The following CCDC150 variants were observed in gnomAD, a reference collection of about 807,000 sequenced individuals.
CCDC150 encodes coiled-coil domain containing 150.
CCDC150 carries 151 observed loss-of-function variants against 156.5 expected under a neutral mutation model. The observed-to-expected ratio is 0.97, with a 90% CI of 0.85 to 1.10. The LOEUF (loss-of-function observed/expected upper bound fraction) is 1.10. Among genes scored for constraint, CCDC150 ranks in the 50% least tolerant of loss-of-function variants. The probability of loss-of-function intolerance (pLI) is 0.00; values close to 1 mark genes in which losing one functional copy is unlikely to be tolerated. For missense variants in CCDC150, 1,312 were observed against 1,268.1 expected (o/e 1.03, Z -0.53); for synonymous variants, 452 against 429.4 (o/e 1.05, Z -0.65).
chr2:196,707,424 A>C (rs185192387), intron 15 of CCDC150, among the ~76,000 whole-genome samples: 2 of 151,832 alleles, frequency 1.3e-5, no homozygotes, highest in African/African-American at 4.8e-5. Flanking sequence ...TCTTGCTAGC[A>C]GTCTATCAAT....
intron 5 of CCDC150, among the ~76,000 whole-genome samples, chr2:196,661,643 A>G (rs753809855): frequency 6.6e-6 from 1 of 152,168 alleles, no homozygotes; most frequent in Admixed American, 6.5e-5. Context: ...TACAGATAGG[A>G]GAAGTGTGGT....
At chr2:196,716,284 A>G (rs977522451) in intron 17 of CCDC150, among the ~76,000 whole-genome samples, 3 of 152,230 alleles carry the variant, frequency 2.0e-5, no homozygotes, top group Non-Finnish European at 4.4e-5. Flanking sequence ...AAATGAAAGT[A>G]TGTCTCCACA....
chr2:196,652,756 C>T (rs1166288831), intron 2 of CCDC150, among the ~76,000 whole-genome samples: 1 of 152,250 alleles, frequency 6.6e-6, no homozygotes, highest in East Asian at 1.9e-4. Flanking sequence ...AAGCCTGTTG[C>T]AGGAGGAGAG....
intron 1 of CCDC150, among the ~76,000 whole-genome samples, chr2:196,641,229 G>T (rs1692211890): frequency 6.6e-6 from 1 of 152,080 alleles, no homozygotes; most frequent in Non-Finnish European, 1.5e-5. Flanking sequence ...TGCCCGCCTC[G>T]GCCTTCCAAA....
Position 196,703,672 on chromosome 2 carries a change from T to C in CCDC150, c.1695+2492T>C, listed in dbSNP as rs183588989. 6.5e-4 allele frequency among the ~76,000 whole-genome samples: 99 copies of C among 152,290 alleles called. No homozygotes were observed. In the Middle Eastern group the frequency reaches 0.01, roughly 16 times the overall value. On this transcript the variant is annotated intron_variant, in intron 15 of 27. Transcript: ENST00000389175. ...TTTAGTTTTTCCAAGAAAAATGAAA[T>C]ATATTATGAAATATATAAGACAAAT...
intron 13 of CCDC150, among the ~76,000 whole-genome samples, chr2:196,689,352 T>G (rs1352135848): frequency 6.6e-6 from 1 of 152,002 alleles, no homozygotes; most frequent in African/African-American, 2.4e-5. Context: ...GCCATTTTCA[T>G]GATATTGATT....
Position 196,677,380 on chromosome 2 carries a change from A to C in CCDC150, c.1509+19A>C, listed in dbSNP as rs180817909. 311 of 1,448,808 alleles carry C rather than the reference A, an allele frequency of 2.1e-4. 1 individual carries two copies. The African/African-American group carries it at 3.8e-3, about 18-fold the overall frequency. The allele number at this position is 1,448,808 out of a possible 1,614,324, so 89.7% of individuals were successfully genotyped here. A position where few individuals can be genotyped will look rare whatever the true frequency, so the allele number is the denominator to read the frequency against. ...AAACAAGGTATTCTTCATTTTACTT[A>C]CTGATATTTCACTATATTTCCTTCT... On this transcript the variant is annotated intron_variant, in intron 13 of 27. Coordinates refer to ENST00000389175, the MANE Select transcript of CCDC150 (RefSeq NM_001080539.2).
In CCDC150 at chr2:196,721,608, T is replaced by C. The variant is rs200985649; in HGVS notation, c.2346T>C (p.Asn782=). Residue 782 remains asparagine (N), a synonymous_variant, in exon 21 of 28, where the codon AAT becomes AAC. Coordinates refer to ENST00000389175, the MANE Select transcript of CCDC150 (RefSeq NM_001080539.2). ...GTCTGGAACAAGCTCTCCAGACAAA[T>C]AATCATCTGCAAACAAAGCTAGATC... ...AMSLEQALQT[N]NHLQTKLDHI... is the part of the protein sequence containing the mutation. 5.5e-5 allele frequency: 88 copies of C among 1,607,784 alleles called. No individual in the cohort carries two copies. The African/African-American group carries it at 8.1e-4, about 15-fold the overall frequency.
At chr2:196,687,364 T>G (rs1394398478) in intron 13 of CCDC150, among the ~76,000 whole-genome samples, 1 of 152,250 alleles carries the variant, frequency 6.6e-6, no homozygotes, top group Non-Finnish European at 1.5e-5. Context: ...ATTTCTCTGA[T>G]GTTCAGTGAT....
intron 13 of CCDC150, among the ~76,000 whole-genome samples, chr2:196,686,807 C>T (rs942925466): frequency 6.6e-6 from 1 of 152,162 alleles, no homozygotes. Context: ...TTGTTCTCCT[C>T]TGTGTATCCA....
chr2:196,705,430 G>C (rs1464071432), intron 15 of CCDC150, among the ~76,000 whole-genome samples: 1 of 152,150 alleles, frequency 6.6e-6, no homozygotes, highest in Non-Finnish European at 1.5e-5. Flanking sequence ...TAAGTTCTTT[G>C]TAGATTCAGG....
intron 3 of CCDC150, 42 bp downstream of exon 3, chr2:196,656,895 T>A: frequency 1.9e-6 from 3 of 1,610,492 alleles, no homozygotes; most frequent in Non-Finnish European, 1.7e-6. Context: ...CCTGTATAGG[T>A]GCTTGATTTT....
At chr2:196,645,331 C>T (rs1692472845) in intron 1 of CCDC150, among the ~76,000 whole-genome samples, 1 of 152,164 alleles carries the variant, frequency 6.6e-6, no homozygotes, top group Admixed American at 6.5e-5. Flanking sequence ...GCAACTTGAA[C>T]ATGAGGTGGA....
At chr2:196,711,897 A>G (rs561994831) in intron 15 of CCDC150, among the ~76,000 whole-genome samples, 94 of 152,280 alleles carry the variant, frequency 6.2e-4, no homozygotes, top group African/African-American at 1.9e-3. Context: ...TTGGAGGCCT[A>G]TAAGCACTAG....
At chr2:196,678,961 A>G (rs75632889) in intron 13 of CCDC150, among the ~76,000 whole-genome samples, 3 of 152,306 alleles carry the variant, frequency 2.0e-5, no homozygotes, top group Non-Finnish European at 4.4e-5. Flanking sequence ...TGAGATAAAA[A>G]CATAGCATTA....
Position 196,676,244 on chromosome 2 carries a change from G to A in CCDC150, c.1239G>A (p.Glu413=). The A allele has an allele frequency of 6.2e-7, 1 of 1,613,610 alleles. No homozygotes were observed. Among genetic ancestry groups the A allele is most frequent in the East Asian group, 2.2e-5 (1 of 44,856 alleles). The change falls in exon 11 of 28, where the codon GAG becomes GAA. Residue 413 remains glutamate, a synonymous_variant. Transcript: ENST00000389175. Reference sequence around the variant, plus strand: ...ATGAACTACAGACTGTTCAGAATGAGAAAACCCAACTCCAGGCACATCTGT... The same window carrying A: ...ATGAACTACAGACTGTTCAGAATGAAAAAACCCAACTCCAGGCACATCTGT... ...ITNELQTVQN[E]KTQLQAHLDH...
intron 2 of CCDC150, among the ~76,000 whole-genome samples, chr2:196,649,466 A>C (rs1575749495): frequency 6.6e-6 from 1 of 152,202 alleles, no homozygotes; most frequent in African/African-American, 2.4e-5. Flanking sequence ...ATTGTTTTAC[A>C]GTTGCCCGCA....
At chr2:196,676,389 C>T in intron 11 of CCDC150, 122 bp downstream of exon 11, 1 of 1,383,926 alleles carries the variant, frequency 7.2e-7, no homozygotes, top group South Asian at 1.4e-5. Context: ...TTGGGCCAGC[C>T]ACAGAGCTAA....
intron 17 of CCDC150, among the ~76,000 whole-genome samples, chr2:196,717,379 A>G (rs532132592): frequency 6.6e-6 from 1 of 152,332 alleles, no homozygotes; most frequent in South Asian, 2.1e-4. Context: ...TGACTGTGGC[A>G]GTGGCAGTCA....
Sources: gnomAD v4.1 joint callset for allele counts (sites outside exome capture counted in the v4.1 genomes callset) on GRCh38, gnomAD v4.1.1 for gene constraint, MANE v1.5 for transcripts, NCBI Gene and HGNC (gene_info 2026-07-23, HGNC 2026-07-21) for gene names.